The following DOCK10 variants were observed in gnomAD, a reference collection of about 807,000 sequenced individuals.
The protein encoded by DOCK10 is dedicator of cytokinesis 10, also known as dedicator of cytokinesis protein 10.
Under a neutral mutation model 280.1 loss-of-function variants are expected in DOCK10, and 145 were observed. The ratio of observed to expected loss-of-function variants is 0.52; its 90% CI spans 0.45 to 0.59. DOCK10 has a LOEUF of 0.59. Among genes scored for constraint, DOCK10 ranks in the 20% least tolerant of loss-of-function variants. The pLI is 0.00. For synonymous variants in DOCK10, 915 were observed against 942.2 expected (o/e 0.97, Z 0.53); for missense variants, 2,368 against 2,651.7 (o/e 0.89, Z 2.35).
intron 15 of DOCK10, among the ~76,000 whole-genome samples, chr2:224,856,123 G>A (rs537056727): frequency 9.2e-5 from 14 of 152,304 alleles, no homozygotes; most frequent in African/African-American, 3.4e-4. Context: ...TTTCCTTAAA[G>A]AGTTGCTTGT....
intron 25 of DOCK10, among the ~76,000 whole-genome samples, chr2:224,836,720 C>T (rs971947091): frequency 6.6e-6 from 1 of 152,130 alleles, no homozygotes; most frequent in East Asian, 1.9e-4. Flanking sequence ...CAGCCTCAGC[C>T]TCCCAAGTAG....
intron 2 of DOCK10, among the ~76,000 whole-genome samples, chr2:224,920,339 G>A (rs976783596): frequency 6.6e-6 from 1 of 151,160 alleles, no homozygotes; most frequent in African/African-American, 2.4e-5. Context: ...TTCTCAAAGT[G>A]CTGGGATTAC....
chr2:224,948,440 T>C (rs1703548320), intron 1 of DOCK10, among the ~76,000 whole-genome samples: 1 of 152,256 alleles, frequency 6.6e-6, no homozygotes, highest in South Asian at 2.1e-4. Flanking sequence ...TTCCACCATA[T>C]GTCTTTAGTG....
chr2:224,914,593 T>A (rs1185124198), intron 3 of DOCK10, among the ~76,000 whole-genome samples: 2 of 152,164 alleles, frequency 1.3e-5, no homozygotes, highest in African/African-American at 2.4e-5. Context: ...CCAGTCTTTA[T>A]AAACACTCTA....
chr2:225,019,195 T>C (rs1315120473), intron 1 of DOCK10, among the ~76,000 whole-genome samples: 2 of 152,158 alleles, frequency 1.3e-5, no homozygotes, highest in Admixed American at 6.6e-5. Context: ...CCTCAGGTTC[T>C]CTGTGCGTAG....
intron 14 of DOCK10, among the ~76,000 whole-genome samples, chr2:224,859,625 G>A (rs1347715244): frequency 1.3e-5 from 2 of 152,154 alleles, no homozygotes; most frequent in Admixed American, 1.3e-4. Context: ...GATTAAATGT[G>A]GGTAAAAATA....
At chr2:224,813,533 G>A (rs1693924248) in intron 31 of DOCK10, among the ~76,000 whole-genome samples, 1 of 152,174 alleles carries the variant, frequency 6.6e-6, no homozygotes, top group African/African-American at 2.4e-5. Flanking sequence ...GGGGAAAACA[G>A]TAGTACTAGC....
At chr2:224,776,912 G>A (rs987077282) in intron 51 of DOCK10, among the ~76,000 whole-genome samples, 7 of 152,294 alleles carry the variant, frequency 4.6e-5, no homozygotes, top group Admixed American at 2.6e-4. Flanking sequence ...TCCCTGCCCT[G>A]AGCTTTCCTT....
rs1692622509 is a variant in DOCK10, at chr2:224,796,957, C to T, written c.4827+7G>A. The T allele has an allele frequency of 5.0e-6, 8 of 1,610,552 alleles. 2 individuals carry two copies. The South Asian group carries it at 8.8e-5, about 18-fold the overall frequency. ...CAACAGCATTAATGAAAATTGGCAG[C>T]ACTTACTTGTAAGTGGGACCGGACA... On this transcript the variant is annotated splice_region_variant and intron_variant, in intron 43 of 55. Coordinates refer to ENST00000258390, the MANE Select transcript of DOCK10 (RefSeq NM_014689.3).
In DOCK10 at chr2:224,936,172, T is replaced by A. The variant is rs577493669; in HGVS notation, c.124-4504A>T. The stretch of plus-strand genomic sequence containing the variant: ...GTTGGCATAAATCCGTGAATGACTA[T>A]TAGTACATGCCATAAATAATGGTGC... On this transcript the variant is annotated intron_variant, in intron 1 of 55. Coordinates refer to ENST00000258390, the MANE Select transcript of DOCK10 (RefSeq NM_014689.3). 2.2e-4 allele frequency among the ~76,000 whole-genome samples: 34 copies of A among 152,326 alleles called. No homozygotes were observed. In the South Asian group the frequency reaches 7.0e-3, roughly 32 times the overall value.
At chr2:225,026,327 C>A (rs1689921405) in intron 1 of DOCK10, among the ~76,000 whole-genome samples, 1 of 152,182 alleles carries the variant, frequency 6.6e-6, no homozygotes, top group Non-Finnish European at 1.5e-5. Context: ...GCTGTGTGTT[C>A]ACAAGATGCA....
intron 18 of DOCK10, among the ~76,000 whole-genome samples, chr2:224,850,851 A>G (rs546872025): frequency 3.3e-4 from 50 of 152,244 alleles, no homozygotes; most frequent in African/African-American, 1.2e-3. Context: ...CCATGACTGT[A>G]AGTTTGCTGA....
chr2:224,791,079 G>T (rs1574827961), intron 47 of DOCK10, among the ~76,000 whole-genome samples: 1 of 152,040 alleles, frequency 6.6e-6, no homozygotes, highest in African/African-American at 2.4e-5. Context: ...CTAACATTGG[G>T]CATTTAAAGC....
intron 1 of DOCK10, among the ~76,000 whole-genome samples, chr2:224,939,386 C>T (rs1378886852): frequency 6.6e-6 from 1 of 152,162 alleles, no homozygotes. Flanking sequence ...TTAAAGAAAT[C>T]TGACCATGTA....
Position 224,778,171 on chromosome 2 carries a change from T to C in DOCK10, c.5769A>G (p.Ala1923=). The C allele has an allele frequency of 2.5e-6, 4 of 1,613,596 alleles. No homozygotes were observed. The highest frequency in any genetic ancestry group is 3.4e-6 in the Non-Finnish European group (4 of 1,179,674). Residue 1923 remains alanine, a synonymous_variant, in exon 51 of 56, where the codon GCA becomes GCG. Coordinates refer to ENST00000258390, the MANE Select transcript of DOCK10 (RefSeq NM_014689.3). ...LLKLYADKFG[A]DNVKIIQDSN... ...AATCCTGGATTATCTTCACATTGTC[T>C]GCTCCAAATTTATCTGCATAGAGCT...
Position 224,849,589 on chromosome 2 carries a change from C to T in DOCK10, c.2153G>A (p.Gly718Glu). 1 of 1,604,222 alleles carries T rather than the reference C, an allele frequency of 6.2e-7. No individual in the cohort carries two copies. Among genetic ancestry groups the T allele is most frequent in the South Asian group, 1.1e-5 (1 of 89,090 alleles). The change falls in exon 19 of 56, where the codon GGA (glycine) becomes GAA (glutamate). Residue 718 changes from glycine to glutamate, a missense_variant. By Grantham distance (98) the Gly-to-Glu change is moderately conservative. Transcript: ENST00000258390. ...GGTGAAGAGGGGCCCTCCAGGTTTT[C>T]CATAAATACACTGTTTGAAAAGTTA... ...ESAKPLKCIY[G>E]KPGGPLFTSA...
chr2:224,819,418 A>G (rs756593154), intron 29 of DOCK10, 28 bp downstream of exon 29: 1 of 1,447,270 alleles, frequency 6.9e-7, no homozygotes, highest in Admixed American at 2.0e-5. Flanking sequence ...TAGTTTAGAA[A>G]ACAATCACTC....
chr2:224,926,498 C>G (rs1266114820), intron 2 of DOCK10, among the ~76,000 whole-genome samples: 1 of 152,188 alleles, frequency 6.6e-6, no homozygotes, highest in Non-Finnish European at 1.5e-5. Context: ...TCCCACTACA[C>G]TCCAGCCTGG....
At chr2:224,831,638 T>C (rs534458886) in intron 26 of DOCK10, among the ~76,000 whole-genome samples, 2 of 152,366 alleles carry the variant, frequency 1.3e-5, no homozygotes, top group Non-Finnish European at 2.9e-5. Context: ...ATAAGAGCAG[T>C]ACACACCTGT....
Sources: allele counts gnomAD v4.1 joint callset (sites outside exome capture counted in the v4.1 genomes callset), GRCh38; gene constraint gnomAD v4.1.1; transcripts MANE v1.5; gene names NCBI Gene and HGNC (gene_info 2026-07-23, HGNC 2026-07-21).